FAM135B: variants seen among roughly 807,000 people sequenced by gnomAD.
The protein encoded by FAM135B is protein FAM135B.
FAM135B carries 43 observed loss-of-function variants against 127.7 expected under a neutral mutation model. The ratio of observed to expected loss-of-function variants is 0.34; its 90% CI spans 0.26 to 0.43. The LOEUF (loss-of-function observed/expected upper bound fraction) is 0.43. Among genes scored for constraint, FAM135B ranks in the 20% least tolerant of loss-of-function variants. FAM135B has a pLI of 1.00. For synonymous variants in FAM135B, 670 were observed against 665.1 expected, an observed-to-expected ratio of 1.01 and a Z score of -0.11; for missense variants, 1,558 against 1,725.6, an observed-to-expected ratio of 0.90 and a Z score of 1.72.
chr8:138,488,331 C>CA (rs1247046301), intron 1 of FAM135B, among the ~76,000 whole-genome samples: 40 of 298 alleles, frequency 0.13, 1 homozygote, highest in East Asian at 0.44. Flanking sequence ...GTCCTTGCAC[C>CA]GGGGAGGTCA....
rs1267703614 is a variant in FAM135B, at chr8:138,143,600, T to C, written c.3541-491A>G. On this transcript the variant is annotated intron_variant, in intron 15 of 19. Coordinates refer to ENST00000395297, the MANE Select transcript of FAM135B (RefSeq NM_015912.4). ...GTCACCCACGTCTTAGGATGGATGG[T>C]TGAAGGATCCAGGAGATCAAAGGAA... 2.6e-4 allele frequency among the ~76,000 whole-genome samples: 40 copies of C among 152,138 alleles called. 1 individual carries two copies. The highest frequency in any genetic ancestry group is 2.6e-3 in the Admixed American group (40 of 15,262).
At chr8:138,334,220 G>A (rs1828387212) in intron 2 of FAM135B, among the ~76,000 whole-genome samples, 1 of 152,054 alleles carries the variant, frequency 6.6e-6, no homozygotes, top group African/African-American at 2.4e-5. Context: ...ACCATGTCCG[G>A]CCCCATCTCT....
intron 1 of FAM135B, among the ~76,000 whole-genome samples, chr8:138,371,294 T>C (rs569674004): frequency 5.9e-5 from 9 of 152,270 alleles, no homozygotes; most frequent in Non-Finnish European, 1.2e-4. Flanking sequence ...AACATACTTA[T>C]GACATATGCA....
At chr8:138,151,063 T>C (rs1818098190) in intron 13 of FAM135B, 131 bp downstream of exon 13, 1 of 488,124 alleles carries the variant, frequency 2.0e-6, no homozygotes, top group Admixed American at 3.9e-5. Context: ...ATCTATAATA[T>C]GGTATATTAC....
At chr8:138,211,208 G>A (rs1818115955) in intron 7 of FAM135B, among the ~76,000 whole-genome samples, 1 of 152,186 alleles carries the variant, frequency 6.6e-6, no homozygotes, top group African/African-American at 2.4e-5. Context: ...TAGGAAAGCA[G>A]CTCAAAATAG....
chr8:138,389,995 T>A (rs1832452020), intron 1 of FAM135B, among the ~76,000 whole-genome samples: 1 of 152,214 alleles, frequency 6.6e-6, no homozygotes, highest in Admixed American at 6.5e-5. Flanking sequence ...TACATGTGTA[T>A]GTTCTTATGT....
chr8:138,424,538 T>C lies in FAM135B; in HGVS notation c.-19-56536A>G, dbSNP rs544095215. ...CAAAGTAGTTTCTTAGTGCTAAATG[T>C]CAGACTAAGCAATTTCTATGCATTA... On this transcript the variant is annotated intron_variant, in intron 1 of 19. Coordinates refer to ENST00000395297, the MANE Select transcript of FAM135B (RefSeq NM_015912.4). Among the ~76,000 whole-genome samples the C allele has an allele frequency of 3.9e-5, 6 of 152,334 alleles. No homozygotes were observed. The East Asian group carries it at 9.7e-4, about 25-fold the overall frequency.
intron 1 of FAM135B, among the ~76,000 whole-genome samples, chr8:138,403,275 T>C (rs1042367305): frequency 2.0e-5 from 3 of 152,064 alleles, no homozygotes; most frequent in Non-Finnish European, 4.4e-5. Context: ...CCTTCAAATG[T>C]CCAGACAAAG....
chr8:138,233,099 C>G (rs747711485), intron 7 of FAM135B, among the ~76,000 whole-genome samples: 7 of 152,114 alleles, frequency 4.6e-5, no homozygotes, highest in Non-Finnish European at 7.4e-5. Context: ...TATGGAATTA[C>G]AAATGATCTC....
rs1820083754 is a variant in FAM135B at position 138,167,883 on chromosome 8, A to C, written c.1258+12T>G. The C allele has an allele frequency of 1.9e-6, 3 of 1,600,124 alleles. No individual in the cohort carries two copies. The African/African-American group carries it at 4.0e-5, about 21-fold the overall frequency. ...CTTATTCCTGAGTCTTTCCAAAACA[A>C]AACAGACAAACCTGTCGCAGGGCAG... is the stretch of plus-strand genomic sequence containing the variant. On this transcript the variant is annotated intron_variant, in intron 12 of 19. Transcript: ENST00000395297.
intron 2 of FAM135B, among the ~76,000 whole-genome samples, chr8:138,333,189 A>G (rs2131005440): frequency 6.6e-6 from 1 of 152,248 alleles, no homozygotes; most frequent in Admixed American, 6.5e-5. Flanking sequence ...AATTCATGCA[A>G]CAAAGATCAT....
intron 5 of FAM135B, among the ~76,000 whole-genome samples, chr8:138,253,411 T>C (rs1366260848): frequency 6.6e-6 from 1 of 152,118 alleles, no homozygotes; most frequent in Non-Finnish European, 1.5e-5. Flanking sequence ...TGCTTTCTTG[T>C]GGTGGGAGGG....
At chr8:138,326,783 A>C (rs539167519) in intron 2 of FAM135B, among the ~76,000 whole-genome samples, 1 of 152,244 alleles carries the variant, frequency 6.6e-6, no homozygotes, top group African/African-American at 2.4e-5. Context: ...TACCTCTCTG[A>C]GCATTTGGTT....
intron 6 of FAM135B, among the ~76,000 whole-genome samples, chr8:138,250,541 G>A (rs553501548): frequency 7.9e-5 from 12 of 152,274 alleles, no homozygotes; most frequent in South Asian, 6.2e-4. Context: ...ATGTGGCTCA[G>A]GAACATTAGA....
intron 2 of FAM135B, among the ~76,000 whole-genome samples, chr8:138,337,954 G>A (rs112682961): frequency 2.0e-4 from 31 of 151,922 alleles, no homozygotes; most frequent in African/African-American, 5.6e-4. Flanking sequence ...AAATAATGCC[G>A]CATATCTACA....
intron 1 of FAM135B, among the ~76,000 whole-genome samples, chr8:138,456,465 C>G (rs1011806068): frequency 1.7e-4 from 26 of 152,114 alleles, no homozygotes; most frequent in Admixed American, 1.6e-3. Context: ...AGGGTCTTAG[C>G]TTCTGTGTTT....
intron 2 of FAM135B, among the ~76,000 whole-genome samples, chr8:138,311,937 G>A (rs1209077194): frequency 6.6e-6 from 1 of 152,110 alleles, no homozygotes; most frequent in Non-Finnish European, 1.5e-5. Flanking sequence ...ACTTGTTCCT[G>A]TATCTGTAAA....
intron 6 of FAM135B, among the ~76,000 whole-genome samples, chr8:138,249,103 C>T (rs1321303621): frequency 6.6e-6 from 1 of 152,142 alleles, no homozygotes; most frequent in Non-Finnish European, 1.5e-5. Context: ...AGACAGCCTG[C>T]TAATCCCAGG....
rs1224719744 is a variant in FAM135B at position 138,242,539 on chromosome 8, C to T, written c.669+403G>A. On this transcript the variant is annotated intron_variant, in intron 7 of 19. Transcript: ENST00000395297. This position sits in a 1 kb window ranked among gnomAD's most constrained non-coding sequence, Gnocchi z 9.6. ...TGAGATTATTAGCTATTGGGGAGCC[C>T]ACTCTACAGGTGGGAAAACTGATGT... is the stretch of plus-strand genomic sequence containing the variant. Among the ~76,000 whole-genome samples, 1 of 152,098 alleles carries T rather than the reference C, an allele frequency of 6.6e-6. No individual in the cohort carries two copies. The highest frequency in any genetic ancestry group is 1.9e-4 in the East Asian group (1 of 5,186).
Sources: gnomAD v4.1 joint callset for allele counts (sites outside exome capture counted in the v4.1 genomes callset) on GRCh38, gnomAD v4.1.1 for gene constraint, Gnocchi (gnomAD v3.1) non-coding constraint, MANE v1.5 for transcripts, NCBI Gene and HGNC (gene_info 2026-07-23, HGNC 2026-07-21) for gene names.